The following ERC2 variants were observed in gnomAD, a reference collection of about 807,000 sequenced individuals.
ERC2 encodes ERC protein 2.
In ERC2, 42 loss-of-function variants were observed where a neutral mutation model predicts 114.8. The ratio of observed to expected loss-of-function variants is 0.37; its 90% CI spans 0.29 to 0.47. ERC2 has a LOEUF of 0.47. Among genes scored for constraint, ERC2 ranks in the 20% least tolerant of loss-of-function variants. The pLI is 0.99. For missense variants in ERC2, 939 were observed against 1,150.7 expected (o/e 0.82, Z 2.66); for synonymous variants, 454 against 425.5 (o/e 1.07, Z -0.82).
intron 13 of ERC2, among the ~76,000 whole-genome samples, chr3:55,907,785 C>G (rs1473642741): frequency 6.6e-6 from 1 of 152,202 alleles, no homozygotes; most frequent in East Asian, 1.9e-4. Context: ...ACACTTCACT[C>G]AGGGTCATAG....
intron 17 of ERC2, among the ~76,000 whole-genome samples, chr3:55,631,156 TG>T (rs199726813): frequency 9.2e-5 from 14 of 151,992 alleles, no homozygotes; most frequent in East Asian, 1.9e-4. Flanking sequence ...ATTAAGTATT[TG>T]GGGTTTTTTT....
At chr3:55,758,654 G>A (rs1016076918) in intron 14 of ERC2, among the ~76,000 whole-genome samples, 1 of 152,218 alleles carries the variant, frequency 6.6e-6, no homozygotes, top group Non-Finnish European at 1.5e-5. Flanking sequence ...GTTCAGACAA[G>A]GTGGGTCATA....
intron 2 of ERC2, among the ~76,000 whole-genome samples, chr3:56,427,377 T>G (rs1030175718): frequency 6.6e-6 from 1 of 152,052 alleles, no homozygotes; most frequent in African/African-American, 2.4e-5. Context: ...CCTCCTGCCT[T>G]GGCCTCCCAA....
intron 3 of ERC2, among the ~76,000 whole-genome samples, chr3:56,237,891 CTT>C (rs3054904): frequency 0.037 from 5,212 of 140,834 alleles, 102 homozygotes; most frequent in Middle Eastern, 0.056. Context: ...CTATTTTTTC[CTT>C]TTTTTTTTTT....
rs890899113 is a variant in ERC2, at chr3:56,138,496, C to T, written c.1473+1013G>A. ...GGCTGAGTCAGGTTCATGCTAAGAC[C>T]TATCCAATCCAGAAAGTATTTTCTT... is the stretch of plus-strand genomic sequence containing the variant. On this transcript the variant is annotated intron_variant, in intron 6 of 17. Coordinates refer to ENST00000288221, the MANE Select transcript of ERC2 (RefSeq NM_015576.3). Among the ~76,000 whole-genome samples the T allele has an allele frequency of 2.6e-5, 4 of 152,172 alleles. No homozygotes were observed. In the East Asian group the frequency reaches 5.8e-4, roughly 22 times the overall value.
At chr3:56,282,017 A>G (rs1435839097) in intron 3 of ERC2, among the ~76,000 whole-genome samples, 1 of 152,174 alleles carries the variant, frequency 6.6e-6, no homozygotes, top group African/African-American at 2.4e-5. Context: ...ATTTTTCTTC[A>G]AGGAAACATA....
intron 14 of ERC2, among the ~76,000 whole-genome samples, chr3:55,743,706 G>A (rs2066127577): frequency 6.6e-6 from 1 of 151,666 alleles, no homozygotes; most frequent in South Asian, 2.1e-4. Context: ...TATTACTCAA[G>A]TTTTTAAGAG....
intron 2 of ERC2, among the ~76,000 whole-genome samples, chr3:56,299,674 C>T (rs1359972122): frequency 5.9e-5 from 9 of 152,078 alleles, no homozygotes; most frequent in Admixed American, 3.3e-4. Flanking sequence ...AAGTGATCCA[C>T]CTGCCTCAGC....
chr3:55,604,991 TAAG>T (rs1202878252), intron 17 of ERC2, among the ~76,000 whole-genome samples: 2 of 152,166 alleles, frequency 1.3e-5, no homozygotes, highest in African/African-American at 4.8e-5. Context: ...TTTACATTAC[TAAG>T]AAGTCCCCAG....
At chr3:55,738,633 G>T (rs2065790385) in intron 14 of ERC2, among the ~76,000 whole-genome samples, 1 of 152,026 alleles carries the variant, frequency 6.6e-6, no homozygotes, top group African/African-American at 2.4e-5. Context: ...GAAAACTGTA[G>T]TAGTCTCCGA....
At chr3:56,309,022 C>T (rs2056390198) in intron 2 of ERC2, among the ~76,000 whole-genome samples, 1 of 152,192 alleles carries the variant, frequency 6.6e-6, no homozygotes, top group Non-Finnish European at 1.5e-5. Context: ...TTCATGACTT[C>T]AAATCTTCCT....
At chr3:55,742,547 T>A (rs948751789) in intron 14 of ERC2, among the ~76,000 whole-genome samples, 19 of 152,234 alleles carry the variant, frequency 1.2e-4, no homozygotes, top group Admixed American at 1.2e-3. Context: ...TAATGACATA[T>A]AAGAGAAAGC....
At chr3:55,708,370 C>G (rs1279835652) in intron 15 of ERC2, among the ~76,000 whole-genome samples, 1 of 152,232 alleles carries the variant, frequency 6.6e-6, no homozygotes, top group Non-Finnish European at 1.5e-5. Context: ...GGGAAAGGCC[C>G]TAGATGTTTC....
intron 14 of ERC2, among the ~76,000 whole-genome samples, chr3:55,810,485 C>T (rs527656054): frequency 3.2e-4 from 44 of 136,542 alleles, no homozygotes; most frequent in African/African-American, 9.1e-4. Context: ...TTGTTTGAGA[C>T]GGAGTTTTGG....
At chr3:56,306,952 T>C (rs2056264669) in intron 2 of ERC2, among the ~76,000 whole-genome samples, 1 of 152,168 alleles carries the variant, frequency 6.6e-6, no homozygotes, top group Admixed American at 6.5e-5. Context: ...GAGCTCACAA[T>C]ATGCTCAGCA....
intron 17 of ERC2, among the ~76,000 whole-genome samples, chr3:55,589,956 T>C (rs1456233559): frequency 6.6e-6 from 1 of 152,194 alleles, no homozygotes; most frequent in Non-Finnish European, 1.5e-5. Context: ...GTCCCATCCA[T>C]GAAAACCTTC....
intron 14 of ERC2, among the ~76,000 whole-genome samples, chr3:55,803,437 C>T (rs9836505): frequency 0.023 from 3,451 of 151,106 alleles, 143 homozygotes; most frequent in African/African-American, 0.079. Flanking sequence ...ACTTCTAAAA[C>T]ATAAAAATAA....
At chr3:55,573,807 G>A (rs569586266) in intron 17 of ERC2, among the ~76,000 whole-genome samples, 2 of 152,196 alleles carry the variant, frequency 1.3e-5, no homozygotes, top group South Asian at 4.1e-4. Flanking sequence ...ACACTTTTCT[G>A]GAGTGATGAA....
At chr3:55,902,025 T>TA (rs2064163187) in intron 13 of ERC2, among the ~76,000 whole-genome samples, 1 of 152,322 alleles carries the variant, frequency 6.6e-6, no homozygotes, top group Admixed American at 6.5e-5. Context: ...CACATGCATT[T>TA]TAAGTGTCAT....
Sources: allele counts gnomAD v4.1 joint callset (sites outside exome capture counted in the v4.1 genomes callset), GRCh38; gene constraint gnomAD v4.1.1; transcripts MANE v1.5; gene names NCBI Gene and HGNC (gene_info 2026-07-23, HGNC 2026-07-21).